Variants in CDH4 observed in about 807,000 individuals in gnomAD.
CDH4 encodes the protein cadherin-4.
Under a neutral mutation model 86.0 loss-of-function variants are expected in CDH4, and 33 were observed. The ratio of observed to expected loss-of-function variants is 0.38; its 90% CI spans 0.29 to 0.51. CDH4 has a LOEUF of 0.51. CDH4 is among the 20% of genes least tolerant of loss of function. The pLI is 0.86. For synonymous variants in CDH4, 555 were observed against 549.4 expected, an observed-to-expected ratio of 1.01 and a Z score of -0.14; for missense variants, 1,114 against 1,307.4, an observed-to-expected ratio of 0.85 and a Z score of 2.28.
chr20:61,546,915 A>T (rs906608863), intron 2 of CDH4, among the ~76,000 whole-genome samples: 3 of 152,148 alleles, frequency 2.0e-5, no homozygotes, highest in East Asian at 3.9e-4. Context: ...GGAGGCAGGC[A>T]TCTCTTCTTC....
chr20:61,923,407 G>T, intron 9 of CDH4, 44 bp from the exon 10 acceptor site: 1 of 1,604,046 alleles, frequency 6.2e-7, no homozygotes, highest in Admixed American at 1.7e-5. Context: ...CCACTCCCAC[G>T]GGAGCTGTGC....
chr20:61,296,280 G>GGTGT (rs376683190), intron 2 of CDH4, among the ~76,000 whole-genome samples: 84,912 of 136,940 alleles, frequency 0.62, 24,910 homozygotes, highest in South Asian at 0.68. Context: ...TGTGTGCGTG[G>GGTGT]GTGCGTGTGT....
chr20:61,323,191 T>C (rs970328923), intron 2 of CDH4, among the ~76,000 whole-genome samples: 1 of 152,214 alleles, frequency 6.6e-6, no homozygotes, highest in Non-Finnish European at 1.5e-5. Flanking sequence ...TGGCTTTCCC[T>C]AGGGGAGTGT....
At chr20:61,786,196 G>C (rs147776542) in intron 4 of CDH4, among the ~76,000 whole-genome samples, 1 of 152,092 alleles carries the variant, frequency 6.6e-6, no homozygotes, top group African/African-American at 2.4e-5. Flanking sequence ...GCAAAACAGC[G>C]TGGCACTTCC....
In CDH4 at chr20:61,252,533, T is replaced by C; in HGVS notation, c.20T>C (p.Val7Ala). The change falls in exon 1 of 16, where the codon GTG becomes GCG. Residue 7 changes from valine (V) to alanine (A), a missense_variant. By Grantham distance (64) the Val-to-Ala change is moderately conservative. Transcript: ENST00000614565. This position sits in a 1 kb window ranked among gnomAD's most constrained non-coding sequence, Gnocchi z 4.4. The part of the protein sequence containing the change: MTAGAG[V>A]LLLLLSLSGA... ...GGGAAGATGACCGCGGGCGCCGGCGTGCTCCTTCTGCTGCTCTCGCTCTCC... is the reference window on the plus strand; with the variant it reads ...GGGAAGATGACCGCGGGCGCCGGCGCGCTCCTTCTGCTGCTCTCGCTCTCC... 1 of 1,196,874 alleles carries C rather than the reference T, an allele frequency of 8.4e-7. No homozygotes were observed. The highest frequency in any genetic ancestry group is 1.0e-6 in the Non-Finnish European group (1 of 965,776). The allele number at this position is 1,196,874 out of a possible 1,614,324, so 74.1% of individuals were successfully genotyped here. A position where few individuals can be genotyped will look rare whatever the true frequency, so the allele number is the denominator to read the frequency against.
intron 8 of CDH4, among the ~76,000 whole-genome samples, chr20:61,907,957 T>C (rs1005327816): frequency 8.5e-5 from 13 of 152,148 alleles, no homozygotes; most frequent in Non-Finnish European, 4.4e-5. Flanking sequence ...ATCCACAATT[T>C]TTCTTCCTAA....
At chr20:61,707,578 G>C (rs768201724) in intron 2 of CDH4, among the ~76,000 whole-genome samples, 1 of 152,198 alleles carries the variant, frequency 6.6e-6, no homozygotes, top group Non-Finnish European at 1.5e-5. Context: ...CATAAAAAAG[G>C]GGAAAGGATG....
chr20:61,840,543 G>A (rs2146095517), intron 4 of CDH4, among the ~76,000 whole-genome samples: 1 of 152,332 alleles, frequency 6.6e-6, no homozygotes, highest in South Asian at 2.1e-4. Context: ...TTTTAATGTA[G>A]ACATCACTTT....
chr20:61,800,196 T>C lies in CDH4; in HGVS notation c.576+27014T>C, dbSNP rs189132339. ...AGCGGCCTGCAGCCCCAAGGGCCCTTTGTGAGTGCTGCAAAGCCCCGAAGA... is the reference window on the plus strand; with the variant it reads ...AGCGGCCTGCAGCCCCAAGGGCCCTCTGTGAGTGCTGCAAAGCCCCGAAGA... On this transcript the variant is annotated intron_variant, in intron 4 of 15. Coordinates refer to ENST00000614565, the MANE Select transcript of CDH4 (RefSeq NM_001794.5). 3.9e-4 allele frequency among the ~76,000 whole-genome samples: 60 copies of C among 152,292 alleles called. No homozygotes were observed. In the East Asian group the frequency reaches 0.011, roughly 28 times the overall value.
At chr20:61,427,584 T>C (rs527606630) in intron 2 of CDH4, among the ~76,000 whole-genome samples, 2 of 151,794 alleles carry the variant, frequency 1.3e-5, no homozygotes, top group Non-Finnish European at 2.9e-5. Flanking sequence ...TCCTGACATA[T>C]TATTTTGCAC....
At chr20:61,759,644 CTAATT>C (rs981805093) in intron 3 of CDH4, among the ~76,000 whole-genome samples, 8 of 151,324 alleles carry the variant, frequency 5.3e-5, no homozygotes, top group African/African-American at 1.5e-4. Flanking sequence ...CCTTAACTTG[CTAATT>C]TAATTTAATT....
intron 2 of CDH4, among the ~76,000 whole-genome samples, chr20:61,320,526 C>T (rs974567571): frequency 1.3e-5 from 2 of 151,982 alleles, no homozygotes; most frequent in African/African-American, 2.4e-5. Flanking sequence ...GCCAGAGGGT[C>T]TCAACTGGGA....
rs1404851057 is a variant in CDH4 at position 61,501,601 on chromosome 20, C to G, written c.170-241962C>G. ...TCTCTGCGGCCCGGAGACGCTGACTCCAGTTGCCTAACAGAGCTGTGGTGA... is the reference window on the plus strand; with the variant it reads ...TCTCTGCGGCCCGGAGACGCTGACTGCAGTTGCCTAACAGAGCTGTGGTGA... On this transcript the variant is annotated intron_variant, in intron 2 of 15. Coordinates refer to ENST00000614565, the MANE Select transcript of CDH4 (RefSeq NM_001794.5). This position sits in a 1 kb window ranked among gnomAD's most constrained non-coding sequence, Gnocchi z 4.2. Among the ~76,000 whole-genome samples, 4 of 152,142 alleles carry G rather than the reference C, an allele frequency of 2.6e-5. No homozygotes were observed. The highest frequency in any genetic ancestry group is 9.7e-5 in the African/African-American group (4 of 41,420).
At chr20:61,922,297 C>G (rs1323956664) in intron 9 of CDH4, among the ~76,000 whole-genome samples, 1 of 152,186 alleles carries the variant, frequency 6.6e-6, no homozygotes, top group Non-Finnish European at 1.5e-5. Context: ...GGGCCCCAAG[C>G]TTTTTCCATG....
At chr20:61,479,049 C>T (rs1021813524) in intron 2 of CDH4, among the ~76,000 whole-genome samples, 4 of 151,524 alleles carry the variant, frequency 2.6e-5, no homozygotes, top group Non-Finnish European at 5.9e-5. Context: ...AATATGGCCA[C>T]GTGGTCTTCT....
At chr20:61,756,050 C>T (rs554649193) in intron 3 of CDH4, among the ~76,000 whole-genome samples, 3 of 152,344 alleles carry the variant, frequency 2.0e-5, no homozygotes, top group East Asian at 1.9e-4. Flanking sequence ...GGGCAGGCTG[C>T]GCCACTGTGT....
chr20:61,405,631 T>G (rs2085077342), intron 2 of CDH4, among the ~76,000 whole-genome samples: 1 of 152,150 alleles, frequency 6.6e-6, no homozygotes, highest in African/African-American at 2.4e-5. Context: ...GTTTTAGGTC[T>G]TTTTTATAGT....
rs1223732959 is a variant in CDH4 at position 61,852,883 on chromosome 20, G to A, written c.862G>A (p.Glu288Lys). Residue 288 changes from glutamate (E) to lysine (K), a missense_variant, in exon 6 of 16, where the codon GAG (glutamate) becomes AAG (lysine). Transcript: ENST00000614565. Reference protein sequence around the residue: ...INQVYNGSVDEGSKPGTYVMT... With the variant: ...INQVYNGSVDKGSKPGTYVMT... Reference sequence around the variant, plus strand: ...CCAGGTCTACAACGGCTCCGTGGACGAGGGCTCCAAGCCAGGTGAGGCCTT... The same window carrying A: ...CCAGGTCTACAACGGCTCCGTGGACAAGGGCTCCAAGCCAGGTGAGGCCTT... The A allele has an allele frequency of 1.9e-6, 3 of 1,613,908 alleles. No individual in the cohort carries two copies. The highest frequency in any genetic ancestry group is 2.2e-5 in the East Asian group (1 of 44,876).
chr20:61,739,278 A>T (rs954384534), intron 2 of CDH4, among the ~76,000 whole-genome samples: 1 of 152,158 alleles, frequency 6.6e-6, no homozygotes, highest in Non-Finnish European at 1.5e-5. Context: ...ACAAAGCAGG[A>T]CAGAAGCCCC....
Sources: allele counts gnomAD v4.1 joint callset (sites outside exome capture counted in the v4.1 genomes callset), GRCh38; gene constraint gnomAD v4.1.1; non-coding constraint Gnocchi (gnomAD v3.1); transcripts MANE v1.5; gene names NCBI Gene and HGNC (gene_info 2026-07-23, HGNC 2026-07-21).